ADGRG4: variants seen among roughly 807,000 people sequenced by gnomAD.
ADGRG4 encodes G protein-coupled receptor 112.
Under a neutral mutation model 126.2 loss-of-function variants are expected in ADGRG4, and 122 were observed. The ratio of observed to expected loss-of-function variants is 0.97; its 90% CI spans 0.83 to 1.12. The LOEUF is 1.12. Among genes scored for constraint, ADGRG4 ranks in the 50% most tolerant of loss-of-function variants. ADGRG4 has a pLI of 0.00. For synonymous variants in ADGRG4, 943 were observed against 838.7 expected (o/e 1.12, Z -2.15); for missense variants, 2,481 against 2,251.8 (o/e 1.10, Z -2.06).
chrX:136,351,885 G>A (rs752469568), intron 7 of ADGRG4, among the ~76,000 whole-genome samples: 1 of 111,015 alleles, frequency 9.0e-6, no homozygotes, highest in East Asian at 2.8e-4. Flanking sequence ...ATAACAAAAT[G>A]TATACTTAAA....
Position 136,349,267 on chromosome X carries a change from C to T in ADGRG4, c.5561C>T (p.Pro1854Leu). 1 of 1,201,741 alleles carries T rather than the reference C, an allele frequency of 8.3e-7. No homozygotes were observed. Among genetic ancestry groups the T allele is most frequent in the Non-Finnish European group, 1.1e-6 (1 of 886,778 alleles). The change falls in exon 6 of 26, where the codon CCT becomes CTT. Residue 1854 changes from proline (P) to leucine (L), a missense_variant. Coordinates refer to ENST00000394143, the MANE Select transcript of ADGRG4 (RefSeq NM_153834.4). Reference sequence around the variant, plus strand: ...GAGATCTCTACTCCAAAGACCTCTCCTCCTCCCACATCCCAAATGGTTGAA... The same window carrying T: ...GAGATCTCTACTCCAAAGACCTCTCTTCCTCCCACATCCCAAATGGTTGAA... ...EAEISTPKTS[P>L]PPTSQMVEFP...
chrX:136,351,928 A>T (rs1412659267), intron 7 of ADGRG4, among the ~76,000 whole-genome samples: 1 of 111,075 alleles, frequency 9.0e-6, no homozygotes, highest in African/African-American at 3.3e-5. Flanking sequence ...TGTTTTCTGC[A>T]TTTTATTTCT....
At chrX:136,361,407 T>C in intron 11 of ADGRG4, 48 bp from the exon 12 acceptor site, 1 of 909,617 alleles carries the variant, frequency 1.1e-6, no homozygotes, top group Non-Finnish European at 1.4e-6. Flanking sequence ...TTTGTAATAC[T>C]TTTAAGTGCC....
intron 4 of ADGRG4, among the ~76,000 whole-genome samples, chrX:136,317,009 A>G (rs914453130): frequency 2.7e-5 from 3 of 111,517 alleles, no homozygotes; most frequent in Admixed American, 9.6e-5. Flanking sequence ...ACAGGATACA[A>G]CTATTTATTC....
At chrX:136,322,687 C>T (rs1236434875) in intron 4 of ADGRG4, 91 bp from the exon 5 acceptor site, 2 of 799,770 alleles carry the variant, frequency 2.5e-6, no homozygotes, top group African/African-American at 2.1e-5. Context: ...TATTGTATAA[C>T]CCAGATTTGA....
chrX:136,373,170 G>A, intron 15 of ADGRG4, 106 bp downstream of exon 15: 3 of 676,000 alleles, frequency 4.4e-6, no homozygotes, highest in Non-Finnish European at 6.4e-6. Flanking sequence ...GGTTTTAAGG[G>A]GACCTTATGG....
At position 136,345,972 on chromosome X, in the gene ADGRG4, C is replaced by T; in HGVS notation, c.2266C>T (p.Leu756Phe). The change falls in exon 6 of 26, where the codon CTT (leucine) becomes TTT (phenylalanine). Residue 756 changes from leucine (L) to phenylalanine (F), a missense_variant. Transcript: ENST00000394143. ...TSITNMPEFK[L>F]TTLLLKTIPM... is the part of the protein sequence containing the mutation. The stretch of plus-strand genomic sequence containing the variant: ...CATAACCAATATGCCTGAATTTAAA[C>T]TTACCACTTTACTACTAAAAACAAT... 8.3e-7 allele frequency: 1 copy of T among 1,210,047 alleles called. No individual in the cohort carries two copies. The highest frequency in any genetic ancestry group is 1.1e-6 in the Non-Finnish European group (1 of 894,540).
At chrX:136,385,361 T>C (rs1055548153) in intron 15 of ADGRG4, among the ~76,000 whole-genome samples, 2 of 112,054 alleles carry the variant, frequency 1.8e-5, no homozygotes, top group Non-Finnish European at 3.8e-5. Context: ...TTACTCTCTA[T>C]ATGTATCCCG....
In ADGRG4 at chrX:136,414,258, G is replaced by A; in HGVS notation, c.9136G>A (p.Ala3046Thr). 8.3e-7 allele frequency: 1 copy of A among 1,207,855 alleles called. No homozygotes were observed. The highest frequency in any genetic ancestry group is 1.7e-5 in the African/African-American group (1 of 57,803). Residue 3046 changes from alanine (A) to threonine (T), a missense_variant, in exon 25 of 26, where the codon GCA becomes ACA. Physicochemically the swap from Ala to Thr is moderately conservative, Grantham distance 58. Coordinates refer to ENST00000394143, the MANE Select transcript of ADGRG4 (RefSeq NM_153834.4). ...GTTGACGCCATCTCTCAAGTCAACT[G>A]CAACTAGCTCCACTTTCAAATCTTT... ...KLLTPSLKST[A>T]TSSTFKSLGS...
rs2148473383 is a variant in ADGRG4 at position 136,356,147 on chromosome X, G to C, written c.6909G>C (p.Met2303Ile). ...ACAGGGACATTTCAGAGGAAGAGATGGTCATGGATCGAGCTATTGTAAGTA... is the reference window on the plus strand; with the variant it reads ...ACAGGGACATTTCAGAGGAAGAGATCGTCATGGATCGAGCTATTGTAAGTA... ...IKSRDISEEE[M>I]VMDRAILEQR... The change falls in exon 9 of 26, where the codon ATG (methionine) becomes ATC (isoleucine). Residue 2303 changes from methionine to isoleucine, a missense_variant. By Grantham distance (10) the Met-to-Ile change is conservative. Coordinates refer to ENST00000394143, the MANE Select transcript of ADGRG4 (RefSeq NM_153834.4). The C allele has an allele frequency of 2.5e-6, 3 of 1,184,930 alleles. No homozygotes were observed.
At chrX:136,323,793 A>G (rs370953592) in intron 5 of ADGRG4, among the ~76,000 whole-genome samples, 1 of 112,065 alleles carries the variant, frequency 8.9e-6, no homozygotes, top group East Asian at 2.8e-4. Context: ...TTTCACATTC[A>G]TATTTAGCCA....
rs2075092357 is a variant in ADGRG4 at position 136,356,164 on chromosome X, T to C, written c.6926T>C (p.Ile2309Thr). The change falls in exon 9 of 26, where the codon ATT (isoleucine) becomes ACT (threonine). Residue 2309 changes from isoleucine (I) to threonine (T), a missense_variant and splice_region_variant. Physicochemically the swap from Ile to Thr is moderately conservative, Grantham distance 89. Transcript: ENST00000394143. ...GAAGAGATGGTCATGGATCGAGCTA[T>C]TGTAAGTAATTTTTCAAAATGAATC... is the stretch of plus-strand genomic sequence containing the variant. ...SEEEMVMDRA[I>T]LEQREGQEMA... is the part of the protein sequence containing the mutation. 2.6e-6 allele frequency: 3 copies of C among 1,167,960 alleles called. No homozygotes were observed. Among genetic ancestry groups the C allele is most frequent in the Non-Finnish European group, 3.5e-6 (3 of 860,158 alleles).
chrX:136,404,432 T>C (rs2075394677), intron 22 of ADGRG4, among the ~76,000 whole-genome samples: 1 of 111,938 alleles, frequency 8.9e-6, no homozygotes, highest in Non-Finnish European at 1.9e-5. Flanking sequence ...ACTGCTCTAA[T>C]AGTTTTTTTT....
At chrX:136,326,690 C>A (rs1427340608) in intron 5 of ADGRG4, among the ~76,000 whole-genome samples, 1 of 110,942 alleles carries the variant, frequency 9.0e-6, no homozygotes, top group African/African-American at 3.3e-5. Context: ...TCACCTATTT[C>A]GATTTTGGCT....
chrX:136,333,583 T>G (rs1390339322), intron 5 of ADGRG4, among the ~76,000 whole-genome samples: 1 of 111,993 alleles, frequency 8.9e-6, no homozygotes, highest in African/African-American at 3.2e-5. Context: ...ACTGGCACGA[T>G]CTCAGCTCAC....
intron 4 of ADGRG4, among the ~76,000 whole-genome samples, chrX:136,312,543 T>C (rs1350408614): frequency 9.0e-6 from 1 of 111,648 alleles, no homozygotes; most frequent in African/African-American, 3.3e-5. Flanking sequence ...CAAGAATAGC[T>C]TGAACCCAGG....
intron 10 of ADGRG4, among the ~76,000 whole-genome samples, chrX:136,358,161 C>G (rs1305438464): frequency 9.0e-6 from 1 of 110,951 alleles, no homozygotes; most frequent in Non-Finnish European, 1.9e-5. Flanking sequence ...TTGATCTGTT[C>G]GACGCACATC....
chrX:136,348,313 T>C lies in ADGRG4; in HGVS notation c.4607T>C (p.Ile1536Thr). The C allele has an allele frequency of 8.3e-7, 1 of 1,209,005 alleles. No individual in the cohort carries two copies. Among genetic ancestry groups the C allele is most frequent in the Non-Finnish European group, 1.1e-6 (1 of 893,285 alleles). The change falls in exon 6 of 26, where the codon ATA (isoleucine) becomes ACA (threonine). Residue 1536 changes from isoleucine (I) to threonine (T), a missense_variant. Ile to Thr is a moderately conservative substitution (Grantham distance 89, BLOSUM62 -1). Transcript: ENST00000394143. ...KKVSDTPPIV[I>T]TKSSKTMHPG... ...GTTTCTGACACTCCCCCAATAGTGATAACTAAATCTTCTAAAACAATGCAT... is the reference window on the plus strand; with the variant it reads ...GTTTCTGACACTCCCCCAATAGTGACAACTAAATCTTCTAAAACAATGCAT...
chrX:136,342,358 G>T (rs752942012), intron 5 of ADGRG4, among the ~76,000 whole-genome samples: 1 of 111,961 alleles, frequency 8.9e-6, no homozygotes, highest in Non-Finnish European at 1.9e-5. Flanking sequence ...TCTACCATGT[G>T]CCAGGCACTG....
Sources: gnomAD v4.1 joint callset for allele counts (sites outside exome capture counted in the v4.1 genomes callset) on GRCh38, gnomAD v4.1.1 for gene constraint, MANE v1.5 for transcripts, NCBI Gene and HGNC (gene_info 2026-07-23, HGNC 2026-07-21) for gene names.